GNG4: variants seen among roughly 807,000 people sequenced by gnomAD.
The protein encoded by GNG4 is guanine nucleotide-binding protein G(I)/G(S)/G(O) subunit gamma-4.
GNG4 carries 4 observed loss-of-function variants against 5.8 expected under a neutral mutation model. The observed-to-expected ratio is 0.69, with a 90% CI of 0.34 to 1.57. GNG4 has a LOEUF of 1.57. Ranked by LOEUF, GNG4 falls within the 40% of genes most tolerant of loss-of-function variation. GNG4 has a pLI of 0.06. For synonymous variants in GNG4, 29 were observed against 32.9 expected (o/e 0.88, Z 0.41); for missense variants, 96 against 95.1 (o/e 1.01, Z -0.04).
chr1:235,633,471 C>T (rs1688973803), intron 1 of GNG4, among the ~76,000 whole-genome samples: 1 of 152,118 alleles, frequency 6.6e-6, no homozygotes, highest in African/African-American at 2.4e-5. Context: ...TTTCTCTTTC[C>T]ACTTTATTTT....
chr1:235,575,147 A>C (rs1005629857), intron 3 of GNG4, among the ~76,000 whole-genome samples: 1 of 152,148 alleles, frequency 6.6e-6, no homozygotes, highest in Non-Finnish European at 1.5e-5. Flanking sequence ...CTTTGATGTC[A>C]GTATCTTTCT....
At chr1:235,607,650 T>G (rs1328854955) in intron 1 of GNG4, among the ~76,000 whole-genome samples, 1 of 152,216 alleles carries the variant, frequency 6.6e-6, no homozygotes, top group East Asian at 1.9e-4. Flanking sequence ...CAGCAGTTCA[T>G]CCATCCACGC....
At chr1:235,573,735 C>T (rs892355977) in intron 3 of GNG4, among the ~76,000 whole-genome samples, 2 of 152,000 alleles carry the variant, frequency 1.3e-5, no homozygotes, top group African/African-American at 4.8e-5. Context: ...CGAGATCGTG[C>T]CACTGCACTC....
intron 1 of GNG4, among the ~76,000 whole-genome samples, chr1:235,647,649 T>A (rs1487559562): frequency 6.6e-6 from 1 of 152,150 alleles, no homozygotes; most frequent in Admixed American, 6.5e-5. Context: ...AGGGTCCATG[T>A]TCCCACCTCA....
intron 2 of GNG4, among the ~76,000 whole-genome samples, chr1:235,587,097 G>A (rs1214675879): frequency 6.6e-6 from 1 of 151,680 alleles, no homozygotes; most frequent in Non-Finnish European, 1.5e-5. Context: ...GGAGGGGAGG[G>A]CTCTGCACTG....
At chr1:235,563,257 T>C (rs1270385479) in intron 3 of GNG4, among the ~76,000 whole-genome samples, 3 of 152,012 alleles carry the variant, frequency 2.0e-5, no homozygotes, top group African/African-American at 7.2e-5. Context: ...ACCCCATCTC[T>C]ACTAAAATTA....
At chr1:235,591,002 G>T (rs555322717) in intron 2 of GNG4, among the ~76,000 whole-genome samples, 1 of 152,176 alleles carries the variant, frequency 6.6e-6, no homozygotes, top group Non-Finnish European at 1.5e-5. Flanking sequence ...GAGATCCTGC[G>T]CTTCTAACGA....
At chr1:235,597,457 G>A (rs527273574) in intron 1 of GNG4, among the ~76,000 whole-genome samples, 28 of 151,552 alleles carry the variant, frequency 1.8e-4, no homozygotes, top group African/African-American at 6.3e-4. Context: ...GTTAGGAGGT[G>A]GGACCTCTGA....
intron 1 of GNG4, among the ~76,000 whole-genome samples, chr1:235,640,211 C>T (rs899525692): frequency 2.0e-5 from 3 of 152,118 alleles, no homozygotes; most frequent in Non-Finnish European, 2.9e-5. Flanking sequence ...CACAGCCCCA[C>T]GAGGAGCGGG....
intron 3 of GNG4, among the ~76,000 whole-genome samples, chr1:235,576,951 T>C (rs2841878): frequency 0.72 from 110,100 of 152,108 alleles, 40,644 homozygotes; most frequent in East Asian, 0.87. Flanking sequence ...TTTTCCTCCA[T>C]GAATCGTGCA....
chr1:235,606,111 A>G (rs1395435316), intron 1 of GNG4, among the ~76,000 whole-genome samples: 1 of 151,936 alleles, frequency 6.6e-6, no homozygotes, highest in Non-Finnish European at 1.5e-5. Flanking sequence ...AGTGTGGAGA[A>G]TGGATCAGAG....
intron 3 of GNG4, among the ~76,000 whole-genome samples, chr1:235,560,149 T>C (rs749767655): frequency 7.9e-5 from 12 of 152,358 alleles, no homozygotes; most frequent in East Asian, 3.9e-4. Context: ...CTTTGACTCC[T>C]GTAAACGAGA....
At chr1:235,634,670 C>A (rs946047701) in intron 1 of GNG4, among the ~76,000 whole-genome samples, 4 of 152,226 alleles carry the variant, frequency 2.6e-5, no homozygotes, top group African/African-American at 9.6e-5. Context: ...TGGCTGGACG[C>A]AGTGGCTCAC....
At chr1:235,587,240 G>GGTGTGGGC (rs1687786212) in intron 2 of GNG4, among the ~76,000 whole-genome samples, 1 of 127,038 alleles carries the variant, frequency 7.9e-6, no homozygotes, top group Admixed American at 7.8e-5. Context: ...AGTGTGTGAG[G>GGTGTGGGC]TGGGGTGTGT....
upstream of GNG4, among the ~76,000 whole-genome samples, chr1:235,650,189 G>GC: frequency 6.8e-6 from 1 of 147,966 alleles, no homozygotes; most frequent in Non-Finnish European, 1.5e-5. Context: ...CCCCCGCCCC[G>GC]CCCCCCCGGA....
intron 3 of GNG4, among the ~76,000 whole-genome samples, chr1:235,556,582 A>G (rs933422460): frequency 6.8e-6 from 1 of 146,522 alleles, no homozygotes; most frequent in Non-Finnish European, 1.5e-5. Context: ...AAAAAAAGAG[A>G]CAGCCAGAAT....
At chr1:235,591,823 C>G (rs563414912) in intron 2 of GNG4, among the ~76,000 whole-genome samples, 2 of 152,204 alleles carry the variant, frequency 1.3e-5, no homozygotes, top group Non-Finnish European at 2.9e-5. Context: ...CCCAGGTATA[C>G]AGGAATGTGC....
At chr1:235,572,284 C>T (rs1687363553) in intron 3 of GNG4, among the ~76,000 whole-genome samples, 1 of 151,936 alleles carries the variant, frequency 6.6e-6, no homozygotes, top group East Asian at 1.9e-4. Flanking sequence ...ACTGTAACCT[C>T]TGCCTCCCGG....
chr1:235,578,444 A>T (rs1269464630), intron 3 of GNG4, among the ~76,000 whole-genome samples: 1 of 152,220 alleles, frequency 6.6e-6, no homozygotes, highest in Non-Finnish European at 1.5e-5. Flanking sequence ...GAGGAGACGA[A>T]ATCAGTATGT....
Sources: allele counts gnomAD v4.1 joint callset (sites outside exome capture counted in the v4.1 genomes callset), GRCh38; gene constraint gnomAD v4.1.1; transcripts MANE v1.5; gene names NCBI Gene and HGNC (gene_info 2026-07-23, HGNC 2026-07-21).